The following SHROOM4 variants were observed in gnomAD, a reference collection of about 807,000 sequenced individuals.
SHROOM4 encodes shroom family member 4.
Under a neutral mutation model 80.3 loss-of-function variants are expected in SHROOM4, and 17 were observed. That is an observed-to-expected ratio of 0.21 (90% confidence interval 0.14 to 0.32). SHROOM4 has a LOEUF of 0.32. Among genes scored for constraint, SHROOM4 ranks in the 10% least tolerant of loss-of-function variants. The pLI is 1.00. For missense variants in SHROOM4, 993 were observed against 1,140.3 expected (o/e 0.87, Z 1.86); for synonymous variants, 400 against 437.5 (o/e 0.91, Z 1.07).
chrX:50,618,083 G>C (rs1216069911), intron 5 of SHROOM4, among the ~76,000 whole-genome samples: 4 of 111,198 alleles, frequency 3.6e-5, no homozygotes, highest in Non-Finnish European at 5.7e-5. Flanking sequence ...CCATTGAAGG[G>C]TGTCAGCCTC....
intron 1 of SHROOM4, among the ~76,000 whole-genome samples, chrX:50,775,707 CATGTT>C (rs1233002494): frequency 1.8e-5 from 2 of 111,728 alleles, no homozygotes; most frequent in African/African-American, 6.5e-5. Flanking sequence ...TTTACATACT[CATGTT>C]ATGAGCCCAA....
intron 5 of SHROOM4, among the ~76,000 whole-genome samples, chrX:50,610,352 T>TCACACACACACACACACA (rs1557249589): frequency 9.8e-5 from 9 of 91,703 alleles, no homozygotes; most frequent in African/African-American, 2.3e-4. Context: ...TCTCTCTCTC[T>TCACACACACACACACACA]CACACACACA....
chrX:50,755,592 C>G (rs1557268345), intron 1 of SHROOM4, among the ~76,000 whole-genome samples: 1 of 112,306 alleles, frequency 8.9e-6, no homozygotes, highest in Non-Finnish European at 1.9e-5. Flanking sequence ...CAGTAAACAT[C>G]TGTCAAATAC....
intron 2 of SHROOM4, among the ~76,000 whole-genome samples, chrX:50,651,755 C>T (rs1210184752): frequency 4.6e-5 from 5 of 108,322 alleles, no homozygotes; most frequent in African/African-American, 6.8e-5. Context: ...CCGACATGCC[C>T]CAGTGTGTGA....
chrX:50,603,105 C>T (rs1297613215), intron 6 of SHROOM4, among the ~76,000 whole-genome samples: 2 of 111,398 alleles, frequency 1.8e-5, no homozygotes, highest in Non-Finnish European at 3.8e-5. Context: ...ATCCAGAAAA[C>T]CTGGCAGGCC....
At chrX:50,786,214 C>T (rs782789269) in intron 1 of SHROOM4, among the ~76,000 whole-genome samples, 1 of 111,772 alleles carries the variant, frequency 8.9e-6, no homozygotes, top group Non-Finnish European at 1.9e-5. Flanking sequence ...TGTCCAGTGC[C>T]CCAACTTTTC....
chrX:50,680,097 A>C (rs1290554627), intron 2 of SHROOM4, among the ~76,000 whole-genome samples: 1 of 111,586 alleles, frequency 9.0e-6, no homozygotes, highest in Non-Finnish European at 1.9e-5. Flanking sequence ...CTTCACTTGC[A>C]TTGTGGGATA....
rs192535225 is a variant in SHROOM4 at position 50,743,980 on chromosome X, T to C, written c.118-48043A>G. 2.7e-5 allele frequency among the ~76,000 whole-genome samples: 3 copies of C among 111,682 alleles called. No individual in the cohort carries two copies. The East Asian group carries it at 8.5e-4, about 32-fold the overall frequency. On this transcript the variant is annotated intron_variant, in intron 1 of 8. Coordinates refer to ENST00000376020, the MANE Select transcript of SHROOM4 (RefSeq NM_020717.5). ...CTGATGAGAAGTCAGCTGTTGAAAT[T>C]ACTGTGATTCCTTTGTATGTGATAA...
chrX:50,812,040 C>T (rs1410252284), intron 1 of SHROOM4, among the ~76,000 whole-genome samples: 4 of 109,628 alleles, frequency 3.6e-5, no homozygotes, highest in Non-Finnish European at 7.6e-5. Flanking sequence ...CAAAATAATC[C>T]GGGACCACAG....
At position 50,633,956 on chromosome X, in the gene SHROOM4, T is replaced by C. The variant is rs1557255001; in HGVS notation, c.2117A>G (p.Asp706Gly). ...LGLNTWWKAP[D>G]PSSSDPEKAH... ...TTTCTCAGGGTCTGAGGAGGATGGG[T>C]CAGGTGCTTTCCACCAGGTGTTCAG... The change falls in exon 4 of 9, where the codon GAC (aspartate) becomes GGC (glycine). Residue 706 changes from aspartate to glycine, a missense_variant. Asp to Gly is a moderately conservative substitution (Grantham distance 94). Coordinates refer to ENST00000376020, the MANE Select transcript of SHROOM4 (RefSeq NM_020717.5). 8.3e-7 allele frequency: 1 copy of C among 1,211,582 alleles called. No homozygotes were observed. The highest frequency in any genetic ancestry group is 1.1e-6 in the Non-Finnish European group (1 of 895,451).
the SHROOM4 span, among the ~76,000 whole-genome samples, chrX:50,577,364 G>A: frequency 8.9e-6 from 1 of 112,658 alleles, no homozygotes; most frequent in Admixed American, 9.4e-5. Context: ...ATGAGAGGGT[G>A]CCTCTGAAGT....
At position 50,813,943 on chromosome X, in the gene SHROOM4, T is replaced by G. The variant is rs141228531; in HGVS notation, c.76A>C (p.Lys26Gln). 8.3e-7 allele frequency: 1 copy of G among 1,207,169 alleles called. No individual in the cohort carries two copies. The highest frequency in any genetic ancestry group is 1.1e-6 in the Non-Finnish European group (1 of 892,687). ...QGGAPWGFTL[K>Q]GGLEHCEPLT... The stretch of plus-strand genomic sequence containing the variant: ...GGCTCACAGTGTTCCAGACCCCCCT[T>G]AAGGGTGAAGCCCCAGGGTGCCCCC... Residue 26 changes from lysine (K) to glutamine (Q), a missense_variant, in exon 1 of 9, where the codon AAG becomes CAG. Physicochemically the swap from Lys to Gln is moderately conservative, Grantham distance 53. Coordinates refer to ENST00000376020, the MANE Select transcript of SHROOM4 (RefSeq NM_020717.5).
chrX:50,646,357 A>T (rs1238689385), intron 2 of SHROOM4, among the ~76,000 whole-genome samples: 4 of 110,725 alleles, frequency 3.6e-5, no homozygotes, highest in Non-Finnish European at 7.6e-5. Context: ...AAGCCGGAGG[A>T]CAGAACAATG....
At chrX:50,698,800 GGAAA>G (rs1193533043) in intron 1 of SHROOM4, among the ~76,000 whole-genome samples, 1 of 111,117 alleles carries the variant, frequency 9.0e-6, no homozygotes, top group Non-Finnish European at 1.9e-5. Flanking sequence ...AATAAAAAAA[GGAAA>G]GGAAGGAAGG....
At chrX:50,693,576 AAAGT>A (rs782023637) in intron 2 of SHROOM4, among the ~76,000 whole-genome samples, 1 of 104,738 alleles carries the variant, frequency 9.5e-6, no homozygotes, top group East Asian at 2.9e-4. Context: ...AAAAAAAAAA[AAAGT>A]AAGAGCTTTT....
rs1467553709 is a variant in SHROOM4 at position 50,588,596 on chromosome X, GAGA to G, written c.*8096_*8098del. Among the ~76,000 whole-genome samples the G allele has an allele frequency of 8.9e-6, 1 of 111,835 alleles. No homozygotes were observed. Among genetic ancestry groups the G allele is most frequent in the Non-Finnish European group, 1.9e-5 (1 of 53,207 alleles). On this transcript the variant is annotated 3_prime_UTR_variant, in exon 9 of 9. Transcript: ENST00000376020. ...TCCAGGCTTGGAACTGCCTCTGTAA[GAGA>G]AGGATTACTATCCTCATTATTTGCT... is the stretch of plus-strand genomic sequence containing the variant.
chrX:50,600,406 G>A (rs183059024), intron 7 of SHROOM4, among the ~76,000 whole-genome samples: 3 of 110,792 alleles, frequency 2.7e-5, no homozygotes, highest in Non-Finnish European at 5.7e-5. Context: ...GGAAAGTAGT[G>A]GTATTATATA....
At chrX:50,578,387 A>T in the SHROOM4 span, among the ~76,000 whole-genome samples, 1 of 111,845 alleles carries the variant, frequency 8.9e-6, no homozygotes, top group Non-Finnish European at 1.9e-5. Context: ...ACTCATTGCC[A>T]CCTCCACCTC....
chrX:50,628,736 C>T (rs1557253584), intron 4 of SHROOM4, among the ~76,000 whole-genome samples: 2 of 111,908 alleles, frequency 1.8e-5, no homozygotes, highest in Non-Finnish European at 3.8e-5. Context: ...CCTCCTTGAA[C>T]CTCACCTCAG....
Sources: allele counts gnomAD v4.1 joint callset (sites outside exome capture counted in the v4.1 genomes callset), GRCh38; gene constraint gnomAD v4.1.1; transcripts MANE v1.5; gene names NCBI Gene and HGNC (gene_info 2026-07-23, HGNC 2026-07-21).